Variants in CSE1L observed in about 807,000 individuals in gnomAD.
The protein encoded by CSE1L is chromosome segregation 1 like.
A neutral mutation model predicts 120.4 loss-of-function variants in CSE1L; 24 were observed. That is an observed-to-expected ratio of 0.20 (90% CI 0.14 to 0.28). The LOEUF is 0.28. Among genes scored for constraint, CSE1L ranks in the 10% least tolerant of loss-of-function variants. CSE1L has a pLI of 1.00. For missense variants in CSE1L, 830 were observed against 1,145.2 expected, an observed-to-expected ratio of 0.72 and a Z score of 3.97; for synonymous variants, 402 against 398.3, an observed-to-expected ratio of 1.01 and a Z score of -0.11.
At chr20:49,065,174 TA>T (rs1368525158) in intron 3 of CSE1L, among the ~76,000 whole-genome samples, 5 of 149,304 alleles carry the variant, frequency 3.3e-5, no homozygotes, top group African/African-American at 9.8e-5. Flanking sequence ...AAAAAAAGAA[TA>T]AAAAAAATTG....
At chr20:49,087,669 C>A (rs2092070720) in intron 16 of CSE1L, among the ~76,000 whole-genome samples, 1 of 152,076 alleles carries the variant, frequency 6.6e-6, no homozygotes, top group African/African-American at 2.4e-5. Flanking sequence ...CTACTGATTT[C>A]TAAGAGAAAG....
At chr20:49,087,764 A>AT (rs2092071429) in intron 16 of CSE1L, among the ~76,000 whole-genome samples, 1 of 151,930 alleles carries the variant, frequency 6.6e-6, no homozygotes, top group Non-Finnish European at 1.5e-5. Flanking sequence ...CTCTTTAATT[A>AT]TTTTTTAAAC....
intron 21 of CSE1L, among the ~76,000 whole-genome samples, chr20:49,091,355 G>A (rs1364798609): frequency 6.6e-6 from 1 of 151,772 alleles, no homozygotes; most frequent in Non-Finnish European, 1.5e-5. Flanking sequence ...AGTCCCAGAG[G>A]TTGAGGCTGC....
chr20:49,078,454 T>C (rs1025431765), intron 13 of CSE1L, 107 bp from the exon 14 acceptor site: 6 of 735,032 alleles, frequency 8.2e-6, no homozygotes, highest in Non-Finnish European at 1.3e-5. Context: ...AACTGTGCTT[T>C]AATTACTTGA....
chr20:49,053,655 CTT>C (rs943914406), intron 1 of CSE1L, among the ~76,000 whole-genome samples: 57 of 152,052 alleles, frequency 3.7e-4, no homozygotes, highest in African/African-American at 1.3e-3. Context: ...CTGGCCCAAA[CTT>C]TCATGATTTC....
In CSE1L at chr20:49,070,271, T is replaced by A; in HGVS notation, c.742T>A (p.Leu248Met). ...GAATAATTTTCATACTCTCTTAACA[T>A]TGGATAATAAGCTTTTACAAACTGA... ...WMNNFHTLLT[L>M]DNKLLQTDDE... The change falls in exon 8 of 25, where the codon TTG (leucine) becomes ATG (methionine). Residue 248 changes from leucine to methionine, a missense_variant. Leu to Met is a conservative substitution (Grantham distance 15). This residue lies in a region of CSE1L where 543 missense variants were observed against 640.2 expected (regional missense o/e 0.85). Coordinates refer to ENST00000262982, the MANE Select transcript of CSE1L (RefSeq NM_001316.4). The A allele has an allele frequency of 6.9e-7, 1 of 1,442,530 alleles. No individual in the cohort carries two copies. The highest frequency in any genetic ancestry group is 9.6e-7 in the Non-Finnish European group (1 of 1,044,734). The allele number at this position is 1,442,530 out of a possible 1,614,324, so 89.4% of individuals were successfully genotyped here.
chr20:49,093,968 G>T (rs2092121339), intron 22 of CSE1L, among the ~76,000 whole-genome samples, 172 bp from the exon 23 acceptor site: 1 of 151,962 alleles, frequency 6.6e-6, no homozygotes, highest in Non-Finnish European at 1.5e-5. Context: ...CAGGGTAGAG[G>T]TGTGATGGGG....
chr20:49,077,020 A>G lies in CSE1L; in HGVS notation c.1376A>G (p.Glu459Gly). Residue 459 changes from glutamate to glycine, a missense_variant, in exon 13 of 25, where the codon GAG becomes GGG. Glu to Gly is a moderately conservative substitution (Grantham distance 98). Coordinates refer to ENST00000262982, the MANE Select transcript of CSE1L (RefSeq NM_001316.4). ...TQANELVNLT[E>G]FFVNHILPDL... Reference sequence around the variant, plus strand: ...GCAAATGAACTTGTAAACCTAACTGAGTTCTTTGTGAATCACATCCTCCCT... The same window carrying G: ...GCAAATGAACTTGTAAACCTAACTGGGTTCTTTGTGAATCACATCCTCCCT... 6.2e-7 allele frequency: 1 copy of G among 1,607,054 alleles called. No homozygotes were observed. Among genetic ancestry groups the G allele is most frequent in the Non-Finnish European group, 8.5e-7 (1 of 1,177,878 alleles).
chr20:49,066,075 C>T (rs2091890006), intron 3 of CSE1L, 117 bp from the exon 4 acceptor site: 1 of 818,432 alleles, frequency 1.2e-6, no homozygotes, highest in Non-Finnish European at 1.9e-6. Flanking sequence ...ACCAAACCTT[C>T]CTCTATTTGT....
chr20:49,072,882 A>G (rs949767536), intron 10 of CSE1L, among the ~76,000 whole-genome samples, 185 bp downstream of exon 10: 15 of 152,230 alleles, frequency 9.9e-5, no homozygotes, highest in Non-Finnish European at 1.8e-4. Context: ...GGGTTTTCTC[A>G]TGGAAATATT....
chr20:49,064,828 C>T (rs568603968), intron 3 of CSE1L, among the ~76,000 whole-genome samples: 2 of 150,740 alleles, frequency 1.3e-5, no homozygotes, highest in Non-Finnish European at 2.9e-5. Context: ...GTGATATAAT[C>T]TAGGATGCAT....
chr20:49,078,468 T>C (rs2091985832), intron 13 of CSE1L, 93 bp from the exon 14 acceptor site: 5 of 826,300 alleles, frequency 6.1e-6, no homozygotes, highest in Non-Finnish European at 9.6e-6. Context: ...TACTTGACAT[T>C]TTATCTTTTT....
At chr20:49,063,176 C>T (rs1312303733) in intron 2 of CSE1L, 26 bp from the exon 3 acceptor site, 1 of 1,489,598 alleles carries the variant, frequency 6.7e-7, no homozygotes, top group African/African-American at 1.4e-5. Flanking sequence ...TTATCTTAGT[C>T]TTTTAACATG....
At chr20:49,062,047 A>C (rs1442627682) in intron 2 of CSE1L, among the ~76,000 whole-genome samples, 1 of 152,162 alleles carries the variant, frequency 6.6e-6, no homozygotes, top group African/African-American at 2.4e-5. Flanking sequence ...ACTCAAACTC[A>C]CTTCCTGGAT....
intron 19 of CSE1L, 121 bp downstream of exon 19, chr20:49,089,867 C>G: frequency 1.1e-6 from 1 of 919,198 alleles, no homozygotes; most frequent in Non-Finnish European, 1.6e-6. Flanking sequence ...GGCTCAAGCC[C>G]ACCACTTTGG....
chr20:49,052,515 A>G (rs1306974593), intron 1 of CSE1L, among the ~76,000 whole-genome samples: 1 of 152,202 alleles, frequency 6.6e-6, no homozygotes, highest in Non-Finnish European at 1.5e-5. Context: ...TTTGTAGAAC[A>G]GAAGGCTTTT....
intron 23 of CSE1L, 77 bp downstream of exon 23, chr20:49,094,363 T>C: frequency 1.4e-6 from 2 of 1,380,262 alleles, no homozygotes; most frequent in African/African-American, 1.5e-5. Flanking sequence ...AAGCTTATTC[T>C]CTTGGGGGCC....
At chr20:49,052,300 A>G (rs150199343) in intron 1 of CSE1L, among the ~76,000 whole-genome samples, 5 of 152,356 alleles carry the variant, frequency 3.3e-5, no homozygotes, top group Non-Finnish European at 5.9e-5. Flanking sequence ...TGCCCTCAGG[A>G]GCTTGCAGTC....
intron 10 of CSE1L, among the ~76,000 whole-genome samples, chr20:49,073,224 G>T (rs2091945396): frequency 6.6e-6 from 1 of 152,032 alleles, no homozygotes; most frequent in African/African-American, 2.4e-5. Context: ...TGTTGTTCAG[G>T]GTAGTCTCAA....
Sources: allele counts gnomAD v4.1 joint callset (sites outside exome capture counted in the v4.1 genomes callset), GRCh38; gene constraint gnomAD v4.1.1; regional missense constraint gnomAD v4.1.1; transcripts MANE v1.5; gene names NCBI Gene and HGNC (gene_info 2026-07-23, HGNC 2026-07-21).